Variants in NPSR1 observed in about 807,000 individuals in gnomAD.
The protein encoded by NPSR1 is neuropeptide S receptor 1.
NPSR1 carries 48 observed loss-of-function variants against 46.9 expected under a neutral mutation model. The ratio of observed to expected loss-of-function variants is 1.02; its 90% CI spans 0.81 to 1.30. NPSR1 has a LOEUF of 1.30. Ranked by LOEUF, NPSR1 falls within the 50% of genes most tolerant of loss-of-function variation. NPSR1 has a pLI of 0.00. For synonymous variants in NPSR1, 176 were observed against 168.1 expected, an observed-to-expected ratio of 1.05 and a Z score of -0.36; for missense variants, 450 against 449.5, an observed-to-expected ratio of 1.00 and a Z score of -0.01.
intron 2 of NPSR1, among the ~76,000 whole-genome samples, chr7:34,715,777 TC>T (rs1279114024): frequency 6.6e-6 from 1 of 152,204 alleles, no homozygotes; most frequent in Non-Finnish European, 1.5e-5. Flanking sequence ...GCTGGGTTCA[TC>T]TTTGTAGCTA....
intron 1 of NPSR1, among the ~76,000 whole-genome samples, chr7:34,681,081 T>A (rs990842526): frequency 3.9e-5 from 6 of 152,112 alleles, no homozygotes; most frequent in Admixed American, 6.5e-5. Flanking sequence ...AGTCCTAAAC[T>A]CTTGATTTCT....
rs147861898 is a variant in NPSR1 at position 34,858,284 on chromosome 7, CA to C, written c.1025+9624del. Among the ~76,000 whole-genome samples the C allele has an allele frequency of 6.6e-3, 999 of 151,628 alleles. 54 individuals are homozygous for C. In the East Asian group the frequency reaches 0.13, roughly 19 times the overall value. ...TAAGAGCCTCAAATTGGAGGCAAAACAAATGCTTATTAGCAGTAGAATAGAT... is the reference window on the plus strand; with the variant it reads ...TAAGAGCCTCAAATTGGAGGCAAAACAATGCTTATTAGCAGTAGAATAGAT... On this transcript the variant is annotated intron_variant, in intron 8 of 8. Transcript: ENST00000359791.
intron 2 of NPSR1, among the ~76,000 whole-genome samples, chr7:34,711,674 T>G (rs2128702474): frequency 6.6e-6 from 1 of 152,340 alleles, no homozygotes; most frequent in Non-Finnish European, 1.5e-5. Context: ...TTGCAGCCAG[T>G]GCTGAGAAAC....
chr7:34,751,592 G>C (rs897786764), intron 2 of NPSR1: 4 of 1,601,920 alleles, frequency 2.5e-6, no homozygotes, highest in Admixed American at 1.7e-5. Flanking sequence ...TCTTCCCGGA[G>C]AACTCGGCGC....
At chr7:34,813,536 A>G (rs1440219018) in intron 4 of NPSR1, among the ~76,000 whole-genome samples, 1 of 152,206 alleles carries the variant, frequency 6.6e-6, no homozygotes, top group Admixed American at 6.5e-5. Flanking sequence ...GAACATATCC[A>G]TATTGTATGC....
At chr7:34,782,558 C>T (rs1787276469) in intron 3 of NPSR1, among the ~76,000 whole-genome samples, 1 of 152,078 alleles carries the variant, frequency 6.6e-6, no homozygotes, top group African/African-American at 2.4e-5. Flanking sequence ...TGCTACCCCA[C>T]CCAACAAACC....
At chr7:34,660,067 T>C in intron 1 of NPSR1, 1 of 455,920 alleles carries the variant, frequency 2.2e-6, no homozygotes, top group South Asian at 1.6e-5. Flanking sequence ...ATTTGGAATA[T>C]GTGAAGAAAC....
At chr7:34,862,506 C>T (rs938140279) in intron 8 of NPSR1, among the ~76,000 whole-genome samples, 1 of 151,748 alleles carries the variant, frequency 6.6e-6, no homozygotes, top group African/African-American at 2.4e-5. Context: ...GCCATGGGAT[C>T]AGTTCCCTGC....
At chr7:34,763,675 A>G (rs1167305411) in intron 2 of NPSR1, among the ~76,000 whole-genome samples, 2 of 152,214 alleles carry the variant, frequency 1.3e-5, no homozygotes, top group Non-Finnish European at 2.9e-5. Flanking sequence ...TTCTTCAGGT[A>G]GAGGTGTATA....
chr7:34,811,571 CTGGGAAACTG>C (rs1788987958), intron 3 of NPSR1, among the ~76,000 whole-genome samples, 189 bp from the exon 4 acceptor site: 1 of 152,144 alleles, frequency 6.6e-6, no homozygotes, highest in Non-Finnish European at 1.5e-5. Flanking sequence ...GGGGTCTTTG[CTGGGAAACTG>C]CCCTCTTTCA....
At chr7:34,823,397 C>T (rs1431551568) in intron 4 of NPSR1, among the ~76,000 whole-genome samples, 19 of 26,220 alleles carry the variant, frequency 7.2e-4, no homozygotes, top group Admixed American at 3.6e-3. Context: ...AAGACTTCAC[C>T]AGAAAAAAAA....
rs1785564428 is a variant in NPSR1, at chr7:34,752,030, G to A, written c.281-26432G>A. On this transcript the variant is annotated intron_variant, in intron 2 of 8. Coordinates refer to ENST00000360581, the MANE Select transcript of NPSR1 (RefSeq NM_207172.2). ...GGCACACCTGCTGGGCCAGCCGGTAGTCCTGTGGAAACTTCGGAAGAGAGT... is the reference window on the plus strand; with the variant it reads ...GGCACACCTGCTGGGCCAGCCGGTAATCCTGTGGAAACTTCGGAAGAGAGT... The A allele has an allele frequency of 5.4e-6, 4 of 738,742 alleles. No individual in the cohort carries two copies. In the South Asian group the frequency reaches 5.9e-5, roughly 11 times the overall value. 45.8% of individuals were successfully genotyped at this position (738,742 alleles called of 1,614,324 possible).
chr7:34,864,362 A>G (rs1222101301), intron 8 of NPSR1, among the ~76,000 whole-genome samples: 3 of 145,410 alleles, frequency 2.1e-5, no homozygotes, highest in Admixed American at 2.0e-4. Context: ...CCCAGAACTT[A>G]AAGTATAATA....
intron 8 of NPSR1, among the ~76,000 whole-genome samples, chr7:34,872,783 T>C (rs1791488826): frequency 6.6e-6 from 1 of 151,704 alleles, no homozygotes; most frequent in South Asian, 2.1e-4. Flanking sequence ...CTTCCCCCCA[T>C]GATTCAATTA....
intron 6 of NPSR1, among the ~76,000 whole-genome samples, chr7:34,840,050 G>T (rs895568235): frequency 6.6e-6 from 1 of 152,064 alleles, no homozygotes; most frequent in Non-Finnish European, 1.5e-5. Flanking sequence ...TTGAGCTGAG[G>T]TGCTGAGGTA....
At chr7:34,782,834 A>T (rs576632038) in intron 3 of NPSR1, among the ~76,000 whole-genome samples, 106 of 152,274 alleles carry the variant, frequency 7.0e-4, no homozygotes, top group African/African-American at 2.5e-3. Flanking sequence ...AATCAAAATA[A>T]TTTTTTTAGG....
At chr7:34,699,647 AAGAG>A (rs1463290289) in intron 2 of NPSR1, among the ~76,000 whole-genome samples, 3 of 152,150 alleles carry the variant, frequency 2.0e-5, no homozygotes, top group African/African-American at 4.8e-5. Flanking sequence ...CCTCTGCACA[AAGAG>A]AGAGAAACAG....
At chr7:34,670,171 CAAACAA>C (rs1791976305) in intron 1 of NPSR1, among the ~76,000 whole-genome samples, 1 of 152,012 alleles carries the variant, frequency 6.6e-6, no homozygotes, top group East Asian at 1.9e-4. Flanking sequence ...AATTTGAACA[CAAACAA>C]CTATGGGGAA....
chr7:34,858,516 A>G (rs571990355), intron 8 of NPSR1, among the ~76,000 whole-genome samples: 2 of 151,968 alleles, frequency 1.3e-5, no homozygotes, highest in East Asian at 1.9e-4. Flanking sequence ...CAATGCACAC[A>G]TAGGTAATTG....
Sources: allele counts gnomAD v4.1 joint callset (sites outside exome capture counted in the v4.1 genomes callset), GRCh38; gene constraint gnomAD v4.1.1; transcripts MANE v1.5; gene names NCBI Gene and HGNC (gene_info 2026-07-23, HGNC 2026-07-21).